The following SNRNP40 variants were observed in gnomAD, a reference collection of about 807,000 sequenced individuals.
SNRNP40 encodes small nuclear ribonucleoprotein U5 subunit 40.
In SNRNP40, 21 loss-of-function variants were observed where a neutral mutation model predicts 45.8. That is an observed-to-expected ratio of 0.46 (90% CI 0.32 to 0.66). SNRNP40 has a LOEUF of 0.66. Ranked by LOEUF, SNRNP40 falls within the 30% of genes least tolerant of loss-of-function variation. The probability of loss-of-function intolerance (pLI) is 0.03; values close to 1 mark genes in which losing one functional copy is unlikely to be tolerated. For missense variants in SNRNP40, 344 were observed against 439.1 expected (o/e 0.78, Z 1.94); for synonymous variants, 142 against 163.8 (o/e 0.87, Z 1.01).
chr1:31,282,262 G>A (rs1646021636), intron 4 of SNRNP40: 1 of 152,128 alleles, frequency 6.6e-6, no homozygotes, highest in East Asian at 1.9e-4. Context: ...TCTGAAGGAT[G>A]AGCCCAAAGG....
intron 4 of SNRNP40, among the ~76,000 whole-genome samples, chr1:31,286,607 G>A (rs1646061161): frequency 6.6e-6 from 1 of 152,046 alleles, no homozygotes; most frequent in African/African-American, 2.4e-5. Context: ...CTCAGTTCAG[G>A]CTTTGACATC....
chr1:31,281,347 G>T, intron 5 of SNRNP40, 27 bp downstream of exon 5: 1 of 1,542,790 alleles, frequency 6.5e-7, no homozygotes, highest in Non-Finnish European at 8.9e-7. Context: ...AGATGAAATG[G>T]AAATATATCA....
intron 3 of SNRNP40, among the ~76,000 whole-genome samples, chr1:31,290,583 T>C (rs1646097391): frequency 6.6e-6 from 1 of 152,170 alleles, no homozygotes; most frequent in Admixed American, 6.6e-5. Context: ...AATAAGATTG[T>C]ACACACAGTT....
At chr1:31,267,719 G>A (rs928160827) in intron 8 of SNRNP40, 152 bp downstream of exon 8, 1 of 583,590 alleles carries the variant, frequency 1.7e-6, no homozygotes, top group African/African-American at 1.9e-5. Flanking sequence ...ATTTTTAGTA[G>A]GGATGGGGTT....
intron 4 of SNRNP40, chr1:31,282,609 ATCTATCT>A (rs1646026674): frequency 7.1e-6 from 1 of 140,996 alleles, no homozygotes; most frequent in Non-Finnish European, 1.6e-5. Flanking sequence ...CTATCTATCT[ATCTATCT>A]TTCTATCATC....
At chr1:31,268,798 A>T (rs1645917250) in intron 7 of SNRNP40, among the ~76,000 whole-genome samples, 1 of 152,222 alleles carries the variant, frequency 6.6e-6, no homozygotes, top group Admixed American at 6.5e-5. Flanking sequence ...ATGCGGAGGC[A>T]GGTAGGGAGA....
intron 6 of SNRNP40, 157 bp from the exon 7 acceptor site, chr1:31,269,397 C>T: frequency 7.2e-7 from 1 of 1,393,220 alleles, no homozygotes; most frequent in Non-Finnish European, 9.4e-7. Flanking sequence ...TGTTAAGGCT[C>T]TTTTCTTTTT....
At chr1:31,273,468 G>A (rs527362978) in intron 5 of SNRNP40, among the ~76,000 whole-genome samples, 14 of 152,048 alleles carry the variant, frequency 9.2e-5, no homozygotes, top group South Asian at 4.2e-4. Flanking sequence ...GTGAAACCCC[G>A]TCTCTACTAA....
chr1:31,289,464 A>G (rs1646086911), intron 3 of SNRNP40, 45 bp from the exon 4 acceptor site: 6 of 1,550,808 alleles, frequency 3.9e-6, no homozygotes, highest in Non-Finnish European at 4.4e-6. Context: ...GTGAAGATAA[A>G]CAGTAACAAT....
At chr1:31,261,863 A>G in intron 8 of SNRNP40, 1 of 363,162 alleles carries the variant, frequency 2.8e-6, no homozygotes, top group Non-Finnish European at 5.0e-6. Flanking sequence ...CATGACTGGC[A>G]TGTTTGAATA....
Position 31,290,600 on chromosome 1 carries a change from A to G in SNRNP40, c.366-1181T>C, listed in dbSNP as rs187527441. Reference sequence around the variant, plus strand: ...TAAGATTGTACACACAGTTCTGGCCAGGTGCGGTGGCTCACACTTGTAATC... The same window carrying G: ...TAAGATTGTACACACAGTTCTGGCCGGGTGCGGTGGCTCACACTTGTAATC... On this transcript the variant is annotated intron_variant, in intron 3 of 9. Coordinates refer to ENST00000263694, the MANE Select transcript of SNRNP40 (RefSeq NM_004814.3). 2.6e-3 allele frequency among the ~76,000 whole-genome samples: 392 copies of G among 152,318 alleles called. 1 individual carries two copies. Among genetic ancestry groups the G allele is most frequent in the African/African-American group, 8.8e-3 (364 of 41,592 alleles).
intron 5 of SNRNP40, among the ~76,000 whole-genome samples, chr1:31,275,265 T>TGG (rs944530538): frequency 3.3e-5 from 5 of 152,196 alleles, no homozygotes; most frequent in Admixed American, 2.0e-4. Flanking sequence ...TGACATTTCC[T>TGG]GAGTCTTTCT....
intron 9 of SNRNP40, among the ~76,000 whole-genome samples, chr1:31,260,511 T>G (rs1049475121): frequency 1.2e-4 from 18 of 152,078 alleles, no homozygotes; most frequent in Non-Finnish European, 2.2e-4. Context: ...AGGCTGAAAT[T>G]ATTTGGTTTA....
At chr1:31,296,291 G>C (rs1288621012) in intron 1 of SNRNP40, among the ~76,000 whole-genome samples, 1 of 152,072 alleles carries the variant, frequency 6.6e-6, no homozygotes, top group African/African-American at 2.4e-5. Context: ...ACACTCTTCG[G>C]AATTTTTGTT....
rs758506403 is a variant in SNRNP40, at chr1:31,289,243, A to C, written c.531+11T>G. 1.1e-5 allele frequency: 18 copies of C among 1,613,162 alleles called. No homozygotes were observed. The South Asian group carries it at 1.8e-4, about 16-fold the overall frequency. ...ACCTCAGAAACTGGAACACGGAGAG[A>C]CAATACCCACCTTAACTGTGCCATC... is the stretch of plus-strand genomic sequence containing the variant. On this transcript the variant is annotated intron_variant, in intron 4 of 9. Coordinates refer to ENST00000263694, the MANE Select transcript of SNRNP40 (RefSeq NM_004814.3).
intron 4 of SNRNP40, among the ~76,000 whole-genome samples, chr1:31,283,558 G>A (rs1040231339): frequency 2.6e-5 from 4 of 152,114 alleles, no homozygotes; most frequent in African/African-American, 9.7e-5. Flanking sequence ...AGCCAAGATC[G>A]CACTACTGCA....
At chr1:31,288,700 G>A (rs568391620) in intron 4 of SNRNP40, among the ~76,000 whole-genome samples, 5 of 147,570 alleles carry the variant, frequency 3.4e-5, no homozygotes, top group Admixed American at 6.8e-5. Flanking sequence ...CCTGTTGGTG[G>A]AGATACTCAT....
chr1:31,268,287 T>G (rs1016625845), intron 7 of SNRNP40, among the ~76,000 whole-genome samples: 20 of 81,846 alleles, frequency 2.4e-4, no homozygotes, highest in African/African-American at 5.4e-4. Flanking sequence ...AAATTTTGGG[T>G]TTTTTTTTTT....
At chr1:31,265,083 T>C (rs1645886843) in intron 8 of SNRNP40, among the ~76,000 whole-genome samples, 1 of 152,098 alleles carries the variant, frequency 6.6e-6, no homozygotes, top group East Asian at 1.9e-4. Flanking sequence ...CCCCAGCAGG[T>C]AGAGAGGGAT....
Sources: allele counts gnomAD v4.1 joint callset (sites outside exome capture counted in the v4.1 genomes callset), GRCh38; gene constraint gnomAD v4.1.1; transcripts MANE v1.5; gene names NCBI Gene and HGNC (gene_info 2026-07-23, HGNC 2026-07-21).